AKAP13: variants seen among roughly 807,000 people sequenced by gnomAD.
AKAP13 encodes the protein A-kinase anchor protein 13.
AKAP13 carries 80 observed loss-of-function variants against 264.5 expected under a neutral mutation model. That is an observed-to-expected ratio of 0.30 (90% CI 0.25 to 0.36). The LOEUF (loss-of-function observed/expected upper bound fraction) is 0.36, where lower values mean the gene tolerates loss of function less well. Ranked by LOEUF, AKAP13 falls within the 10% of genes least tolerant of loss-of-function variation. The pLI is 1.00. For missense variants in AKAP13, 3,712 were observed against 3,435.2 expected, an observed-to-expected ratio of 1.08 and a Z score of -2.01; for synonymous variants, 1,380 against 1,250.2, an observed-to-expected ratio of 1.10 and a Z score of -2.19.
rs1398822374 is a variant in AKAP13 at position 85,724,487 on chromosome 15, C to G, written c.6745+1167C>G. Among the ~76,000 whole-genome samples the G allele has an allele frequency of 8.0e-6, 1 of 124,626 alleles. No homozygotes were observed. The highest frequency in any genetic ancestry group is 1.6e-5 in the Non-Finnish European group (1 of 60,796). The allele number at this position is 124,626 out of a possible 152,430, so 81.8% of individuals were successfully genotyped here. ...ACAGAGTTGAAAGGGTGTGGCACAT[C>G]CAGGGAAGAGTGGACACCCGGGACT... On this transcript the variant is annotated intron_variant, in intron 26 of 36. Transcript: ENST00000394518. The surrounding 1 kb of genome is among the most constrained non-coding windows in gnomAD (Gnocchi z 4.2).
chr15:85,450,219 T>C (rs568541973), intron 1 of AKAP13, among the ~76,000 whole-genome samples: 1 of 152,306 alleles, frequency 6.6e-6, no homozygotes, highest in East Asian at 1.9e-4. Context: ...GTGTTTGTAG[T>C]AGTTTCTCAT....
intron 2 of AKAP13, among the ~76,000 whole-genome samples, chr15:85,508,615 G>A (rs991905397): frequency 4.0e-5 from 6 of 151,758 alleles, no homozygotes; most frequent in Non-Finnish European, 7.4e-5. Context: ...CCTGTTCTCC[G>A]CAGAGGAACC....
intron 1 of AKAP13, among the ~76,000 whole-genome samples, chr15:85,479,184 C>T (rs369176575): frequency 1.3e-5 from 2 of 152,210 alleles, no homozygotes; most frequent in Non-Finnish European, 1.5e-5. Flanking sequence ...TCCTGGTCTT[C>T]TTCCGTTGTT....
chr15:85,671,433 CAAAAAA>C (rs11296113), intron 14 of AKAP13, among the ~76,000 whole-genome samples: 8 of 70,564 alleles, frequency 1.1e-4, no homozygotes, highest in Non-Finnish European at 1.8e-4. Context: ...GACACTGCCT[CAAAAAA>C]AAAAAAAAAA....
intron 1 of AKAP13, among the ~76,000 whole-genome samples, chr15:85,416,216 A>G (rs1227556450): frequency 6.6e-6 from 1 of 152,220 alleles, no homozygotes; most frequent in Non-Finnish European, 1.5e-5. Flanking sequence ...AAATACCTCT[A>G]TTCATTGTGC....
chr15:85,465,999 T>TCC (rs2151012053), intron 1 of AKAP13, among the ~76,000 whole-genome samples: 1 of 152,028 alleles, frequency 6.6e-6, no homozygotes, highest in African/African-American at 2.4e-5. Context: ...TTTCTCCACA[T>TCC]CCTCTCCAGC....
At position 85,741,371 on chromosome 15, in the gene AKAP13, G is replaced by A; in HGVS notation, c.7934G>A (p.Gly2645Asp). 3 of 1,614,074 alleles carry A rather than the reference G, an allele frequency of 1.9e-6. No homozygotes were observed. Among genetic ancestry groups the A allele is most frequent in the East Asian group, 2.2e-5 (1 of 44,874 alleles). The change falls in exon 35 of 37, where the codon GGC becomes GAC. Residue 2645 changes from glycine (G) to aspartate (D), a missense_variant. Coordinates refer to ENST00000394518, the MANE Select transcript of AKAP13 (RefSeq NM_007200.5). Reference protein sequence around the residue: ...KEREELQQKKGTYQYDLERLR... With the variant: ...KEREELQQKKDTYQYDLERLR... The stretch of plus-strand genomic sequence containing the variant: ...CGGGAGGAGCTCCAGCAGAAGAAGG[G>A]CACATACCAGTATGACCTGGAGCGA...
chr15:85,679,025 G>A (rs1003679887), intron 14 of AKAP13, among the ~76,000 whole-genome samples: 1 of 152,036 alleles, frequency 6.6e-6, no homozygotes, highest in Non-Finnish European at 1.5e-5. Flanking sequence ...CGGATCACGA[G>A]GTCGGGAGTT....
At position 85,708,407 on chromosome 15, in the gene AKAP13, C is replaced by A. The variant is rs1453285347; in HGVS notation, c.5532+321C>A. Reference sequence around the variant, plus strand: ...TTCTTAACTACGTCTGCAGGCCTACCCTGCTGTTCATACACCTGTCTTCCT... The same window carrying A: ...TTCTTAACTACGTCTGCAGGCCTACACTGCTGTTCATACACCTGTCTTCCT... On this transcript the variant is annotated intron_variant, in intron 18 of 36. Transcript: ENST00000394518. This position sits in a 1 kb window ranked among gnomAD's most constrained non-coding sequence, Gnocchi z 4.3. 2.6e-5 allele frequency among the ~76,000 whole-genome samples: 4 copies of A among 152,088 alleles called. No homozygotes were observed. The highest frequency in any genetic ancestry group is 6.5e-5 in the Admixed American group (1 of 15,268).
rs879150319 is a variant in AKAP13 at position 85,745,234 on chromosome 15, G to C, written c.*557G>C. On this transcript the variant is annotated 3_prime_UTR_variant, in exon 37 of 37. Coordinates refer to ENST00000394518, the MANE Select transcript of AKAP13 (RefSeq NM_007200.5). ...CCCCCGCATATCAGCAGTTCACCCA[G>C]TACTCCTCAGAGACTGGTTTCCCTC... 1 of 152,584 alleles carries C rather than the reference G, an allele frequency of 6.6e-6. No homozygotes were observed. Among genetic ancestry groups the C allele is most frequent in the South Asian group, 2.1e-4 (1 of 4,844 alleles). 9.5% of individuals were successfully genotyped at this position (152,584 alleles called of 1,614,324 possible). A position where few individuals can be genotyped will look rare whatever the true frequency, so the allele number is the denominator to read the frequency against.
intron 5 of AKAP13, among the ~76,000 whole-genome samples, chr15:85,560,572 G>A (rs921732391): frequency 6.6e-6 from 1 of 152,032 alleles, no homozygotes; most frequent in African/African-American, 2.4e-5. Context: ...AACAGTTGTA[G>A]CTGATGCTCC....
chr15:85,630,411 T>A (rs935355073), intron 8 of AKAP13, among the ~76,000 whole-genome samples: 93 of 152,330 alleles, frequency 6.1e-4, no homozygotes, highest in African/African-American at 2.2e-3. Flanking sequence ...CCATCTCTAT[T>A]AATTACAGCA....
Position 85,511,757 on chromosome 15 carries a change from G to A in AKAP13, c.34-9671G>A, listed in dbSNP as rs368974496. ...TCCTCCCACCTTGGCCTCCCCAGGG[G>A]CTGGGAGTACAGGCATGAGCCACTG... On this transcript the variant is annotated intron_variant, in intron 2 of 36. Coordinates refer to ENST00000394518, the MANE Select transcript of AKAP13 (RefSeq NM_007200.5). Among the ~76,000 whole-genome samples the A allele has an allele frequency of 2.6e-5, 4 of 152,132 alleles. No individual in the cohort carries two copies. In the East Asian group the frequency reaches 7.7e-4, roughly 29 times the overall value.
chr15:85,555,419 T>G, intron 5 of AKAP13: 1 of 1,288,858 alleles, frequency 7.8e-7, no homozygotes, highest in South Asian at 1.2e-5. Flanking sequence ...TCCTCTATTT[T>G]TAAAGCTGTA....
intron 1 of AKAP13, among the ~76,000 whole-genome samples, chr15:85,462,794 G>A (rs931368264): frequency 1.3e-5 from 2 of 151,930 alleles, no homozygotes; most frequent in Non-Finnish European, 2.9e-5. Flanking sequence ...GGAGGCCGAG[G>A]CGGGCGGATC....
chr15:85,631,709 T>C (rs2081835291), intron 8 of AKAP13, among the ~76,000 whole-genome samples: 1 of 152,194 alleles, frequency 6.6e-6, no homozygotes, highest in Non-Finnish European at 1.5e-5. Flanking sequence ...TTATGTAAGA[T>C]GTTAACGTTG....
intron 1 of AKAP13, chr15:85,382,051 A>G (rs1744273510): frequency 6.6e-6 from 1 of 152,180 alleles, no homozygotes; most frequent in Admixed American, 6.5e-5. Context: ...AAGTTTTGTC[A>G]AGTTTGGGTG....
intron 1 of AKAP13, among the ~76,000 whole-genome samples, chr15:85,478,598 C>T (rs774524782): frequency 1.1e-4 from 17 of 152,008 alleles, no homozygotes; most frequent in Admixed American, 2.6e-4. Context: ...ACTGTTTTGT[C>T]GTTGCTGTTG....
chr15:85,488,863 T>C (rs1275678507), intron 2 of AKAP13, among the ~76,000 whole-genome samples: 1 of 152,228 alleles, frequency 6.6e-6, no homozygotes, highest in Admixed American at 6.5e-5. Flanking sequence ...AAATGATATA[T>C]GATAATAAAT....
Sources: allele counts gnomAD v4.1 joint callset (sites outside exome capture counted in the v4.1 genomes callset), GRCh38; gene constraint gnomAD v4.1.1; non-coding constraint Gnocchi (gnomAD v3.1); transcripts MANE v1.5; gene names NCBI Gene and HGNC (gene_info 2026-07-23, HGNC 2026-07-21).